PPIL4: variants seen among roughly 807,000 people sequenced by gnomAD.
The protein encoded by PPIL4 is peptidyl-prolyl cis-trans isomerase-like 4.
A neutral mutation model predicts 69.1 loss-of-function variants in PPIL4; 50 were observed. The observed-to-expected ratio is 0.72, with a 90% CI of 0.58 to 0.92. PPIL4 has a LOEUF of 0.92. Ranked by LOEUF, PPIL4 falls within the 40% of genes least tolerant of loss-of-function variation. The pLI is 0.00. For synonymous variants in PPIL4, 193 were observed against 191.6 expected, an observed-to-expected ratio of 1.01 and a Z score of -0.06; for missense variants, 480 against 587.9, an observed-to-expected ratio of 0.82 and a Z score of 1.90.
At chr6:149,531,474 T>C (rs573356099) in intron 7 of PPIL4, among the ~76,000 whole-genome samples, 22 of 149,078 alleles carry the variant, frequency 1.5e-4, no homozygotes, top group African/African-American at 5.2e-4. Context: ...AGGTGGAGGT[T>C]GCAGTGAGCC....
In PPIL4 at chr6:149,505,186, A is replaced by G. The variant is rs1776749689; in HGVS notation, c.*267T>C. On this transcript the variant is annotated 3_prime_UTR_variant, in exon 13 of 13. Coordinates refer to ENST00000253329, the MANE Select transcript of PPIL4 (RefSeq NM_139126.4). ...GTATTTTTGTAGTATGAAATACTTC[A>G]TTAAAAAAAGAGTGAAAATGTAAGA... is the stretch of plus-strand genomic sequence containing the variant. The G allele has an allele frequency of 6.2e-6, 2 of 323,492 alleles. No homozygotes were observed. The highest frequency in any genetic ancestry group is 1.3e-4 in the East Asian group (2 of 15,916). 20.0% of individuals were successfully genotyped at this position (323,492 alleles called of 1,614,324 possible). A position where few individuals can be genotyped will look rare whatever the true frequency, so the allele number is the denominator to read the frequency against.
chr6:149,509,005 C>CG (rs1050722780), intron 12 of PPIL4, among the ~76,000 whole-genome samples: 1 of 151,800 alleles, frequency 6.6e-6, no homozygotes, highest in South Asian at 2.1e-4. Context: ...AATAAAAAAT[C>CG]GGGGGGCCAT....
intron 7 of PPIL4, among the ~76,000 whole-genome samples, chr6:149,530,713 T>C (rs1191153053): frequency 1.3e-5 from 2 of 151,762 alleles, no homozygotes; most frequent in African/African-American, 4.8e-5. Flanking sequence ...AGGTTGGTAA[T>C]TGTGGAAAAA....
chr6:149,543,082 T>C (rs1777387539), intron 1 of PPIL4, among the ~76,000 whole-genome samples: 1 of 152,188 alleles, frequency 6.6e-6, no homozygotes, highest in Admixed American at 6.5e-5. Flanking sequence ...AGGTCTTTCA[T>C]CAAAATCCGA....
chr6:149,512,793 A>G (rs1776873959), intron 11 of PPIL4, among the ~76,000 whole-genome samples: 1 of 151,996 alleles, frequency 6.6e-6, no homozygotes, highest in Non-Finnish European at 1.5e-5. Context: ...CCCGAGCTGG[A>G]GTGCAGTGGC....
intron 11 of PPIL4, among the ~76,000 whole-genome samples, chr6:149,513,463 T>C (rs1256883366): frequency 7.3e-6 from 1 of 137,866 alleles, no homozygotes; most frequent in Non-Finnish European, 1.5e-5. Context: ...TGCATAATAG[T>C]ATTACTTTTA....
intron 6 of PPIL4, among the ~76,000 whole-genome samples, chr6:149,533,893 G>A (rs552282951): frequency 4.6e-5 from 7 of 152,208 alleles, no homozygotes; most frequent in African/African-American, 1.2e-4. Flanking sequence ...ATGGTGGCTC[G>A]TGCCTGTAAT....
At position 149,505,274 on chromosome 6, in the gene PPIL4, G is replaced by GA. The variant is rs1776751190; in HGVS notation, c.*178dup. On this transcript the variant is annotated 3_prime_UTR_variant, in exon 13 of 13. Transcript: ENST00000253329. ...AAATTAGTGTAAAAAAGTATACAAA[G>GA]AAAATGTTCAATTCTTTATCTTTCC... 2 of 494,406 alleles carry GA rather than the reference G, an allele frequency of 4.0e-6. No homozygotes were observed. Among genetic ancestry groups the GA allele is most frequent in the Admixed American group, 7.7e-5 (2 of 26,008 alleles). The allele number at this position is 494,406 out of a possible 1,614,324, so 30.6% of individuals were successfully genotyped here.
At chr6:149,529,401 G>A (rs1031684070) in intron 7 of PPIL4, among the ~76,000 whole-genome samples, 4 of 150,810 alleles carry the variant, frequency 2.7e-5, no homozygotes, top group African/African-American at 9.8e-5. Flanking sequence ...GGGGTGCAGT[G>A]AGCCATTATT....
chr6:149,508,277 C>T (rs980247191), intron 12 of PPIL4, among the ~76,000 whole-genome samples: 1 of 152,140 alleles, frequency 6.6e-6, no homozygotes, highest in Non-Finnish European at 1.5e-5. Flanking sequence ...CTATAAAGGC[C>T]TAAGGGCCTG....
At chr6:149,541,607 A>G in intron 1 of PPIL4, 21 bp from the exon 2 acceptor site, 2 of 1,305,508 alleles carry the variant, frequency 1.5e-6, no homozygotes, top group Non-Finnish European at 2.2e-6. Context: ...GTAAATACCA[A>G]ATTTATCACA....
At chr6:149,535,137 A>G (rs1384243163) in intron 5 of PPIL4, among the ~76,000 whole-genome samples, 2 of 152,200 alleles carry the variant, frequency 1.3e-5, no homozygotes. Flanking sequence ...TGGGTGGATC[A>G]TGAGGTCAGG....
rs1261042837 is a variant in PPIL4, at chr6:149,517,418, A to G, written c.1015T>C (p.Tyr339His). 5 of 1,605,084 alleles carry G rather than the reference A, an allele frequency of 3.1e-6. No homozygotes were observed. The South Asian group carries it at 3.3e-5, about 11-fold the overall frequency. ...GGTGGTTTATCCTGTTCTTTTTCAT[A>G]CTCCTTGAAATCACTCTTGGTGTAT... ...GKYTKSDFKE[Y>H]EKEQDKPPNL... is the part of the protein sequence containing the mutation. The change falls in exon 11 of 13, where the codon TAT (tyrosine) becomes CAT (histidine). Residue 339 changes from tyrosine to histidine, a missense_variant. Tyr to His is a moderately conservative substitution (Grantham distance 83). Coordinates refer to ENST00000253329, the MANE Select transcript of PPIL4 (RefSeq NM_139126.4).
chr6:149,507,921 G>A (rs1776790485), intron 12 of PPIL4, among the ~76,000 whole-genome samples: 1 of 152,168 alleles, frequency 6.6e-6, no homozygotes, highest in Non-Finnish European at 1.5e-5. Flanking sequence ...GGGTAAGTGA[G>A]CTTGGGTCTG....
In PPIL4 at chr6:149,508,443, CGAA is replaced by C. The variant is rs1183889794; in HGVS notation, c.1228-2742_1228-2740del. Reference sequence around the variant, plus strand: ...TGTGGCAAAAAAAGAAAAGAAAAAACGAAGAACACAAAATGGCCAATTTAAAGC... The same window carrying C: ...TGTGGCAAAAAAAGAAAAGAAAAAACGAACACAAAATGGCCAATTTAAAGC... On this transcript the variant is annotated intron_variant, in intron 12 of 12. Coordinates refer to ENST00000253329, the MANE Select transcript of PPIL4 (RefSeq NM_139126.4). Among the ~76,000 whole-genome samples, 6 of 151,856 alleles carry C rather than the reference CGAA, an allele frequency of 4.0e-5. No homozygotes were observed. In the South Asian group the frequency reaches 1.0e-3, roughly 26 times the overall value.
chr6:149,530,582 C>T (rs2115036091), intron 7 of PPIL4, among the ~76,000 whole-genome samples: 1 of 151,926 alleles, frequency 6.6e-6, no homozygotes, highest in South Asian at 2.1e-4. Flanking sequence ...TCGCTTAAAC[C>T]TGGGAGGCAG....
chr6:149,543,585 T>C (rs1461479786), intron 1 of PPIL4, among the ~76,000 whole-genome samples: 1 of 152,208 alleles, frequency 6.6e-6, no homozygotes, highest in Non-Finnish European at 1.5e-5. Flanking sequence ...TGTTTTTTTA[T>C]TCTTTTTTAC....
intron 12 of PPIL4, among the ~76,000 whole-genome samples, chr6:149,511,289 C>T (rs1776837679): frequency 6.6e-6 from 1 of 151,800 alleles, no homozygotes; most frequent in Non-Finnish European, 1.5e-5. Context: ...GGCTGGAGGG[C>T]AGTGGCATGA....
chr6:149,517,254 T>C, intron 11 of PPIL4, 100 bp downstream of exon 11: 1 of 677,940 alleles, frequency 1.5e-6, no homozygotes, highest in South Asian at 1.8e-5. Context: ...AGGAAATTTG[T>C]CTTCTATAGC....
Sources: allele counts gnomAD v4.1 joint callset (sites outside exome capture counted in the v4.1 genomes callset), GRCh38; gene constraint gnomAD v4.1.1; transcripts MANE v1.5; gene names NCBI Gene and HGNC (gene_info 2026-07-23, HGNC 2026-07-21).